Variants in FOXP2 observed in about 807,000 individuals in gnomAD.
FOXP2 encodes forkhead box protein P2.
In FOXP2, 12 loss-of-function variants were observed where a neutral mutation model predicts 115.8. The observed-to-expected ratio is 0.10, with a 90% CI of 0.07 to 0.17. The LOEUF (loss-of-function observed/expected upper bound fraction) is 0.17. Among genes scored for constraint, FOXP2 ranks in the 10% least tolerant of loss-of-function variants. The pLI is 1.00. For missense variants in FOXP2, 629 were observed against 843.5 expected, an observed-to-expected ratio of 0.75 and a Z score of 3.15; for synonymous variants, 328 against 297.7, an observed-to-expected ratio of 1.10 and a Z score of -1.05.
intron 3 of FOXP2, among the ~76,000 whole-genome samples, chr7:114,590,995 T>C (rs1224850557): frequency 1.3e-5 from 2 of 152,148 alleles, no homozygotes; most frequent in African/African-American, 4.8e-5. Context: ...TCCAAAATTG[T>C]TTACAATTAA....
intron 2 of FOXP2, among the ~76,000 whole-genome samples, chr7:114,393,869 C>A (rs962302637): frequency 4.6e-5 from 7 of 151,872 alleles, no homozygotes; most frequent in African/African-American, 1.7e-4. Flanking sequence ...TTGAATGAAC[C>A]TTAGTGTGTT....
chr7:114,341,511 C>A (rs1791217126), intron 2 of FOXP2, among the ~76,000 whole-genome samples: 1 of 151,296 alleles, frequency 6.6e-6, no homozygotes, highest in South Asian at 2.1e-4. Flanking sequence ...ACAGCATGCC[C>A]AGGAGGATGA....
chr7:114,374,527 G>A (rs1204013835), intron 2 of FOXP2, among the ~76,000 whole-genome samples: 1 of 152,136 alleles, frequency 6.6e-6, no homozygotes, highest in Non-Finnish European at 1.5e-5. Context: ...GATAAGGTTT[G>A]TGCTTTGAGG....
upstream of FOXP2, among the ~76,000 whole-genome samples, chr7:114,160,330 G>C (rs1048179394): frequency 6.6e-6 from 1 of 152,006 alleles, no homozygotes; most frequent in African/African-American, 2.4e-5. Context: ...CCTTCATTTT[G>C]GGATATTGTT....
intron 2 of FOXP2, among the ~76,000 whole-genome samples, chr7:114,522,161 G>A (rs1419655392): frequency 6.6e-6 from 1 of 152,086 alleles, no homozygotes; most frequent in Non-Finnish European, 1.5e-5. Context: ...GGTTAGGTGA[G>A]GTAGGTTCTT....
At chr7:114,519,929 CA>C (rs1798530924) in intron 2 of FOXP2, among the ~76,000 whole-genome samples, 2 of 151,962 alleles carry the variant, frequency 1.3e-5, no homozygotes, top group Admixed American at 1.3e-4. Flanking sequence ...GATAACAAAC[CA>C]AAATGATTAA....
chr7:114,416,566 A>G (rs111231764), intron 1 of FOXP2: 1 of 150,764 alleles, frequency 6.6e-6, no homozygotes, highest in Admixed American at 6.6e-5. Context: ...TAGATCTTGA[A>G]TCACTTTCAC....
intron 3 of FOXP2, among the ~76,000 whole-genome samples, chr7:114,571,627 G>A (rs1415247157): frequency 2.0e-5 from 3 of 151,700 alleles, no homozygotes; most frequent in Admixed American, 6.6e-5. Context: ...CATCTGTACC[G>A]AAAATTTTCA....
At chr7:114,554,361 GC>G (rs1800356414) in intron 3 of FOXP2, among the ~76,000 whole-genome samples, 1 of 152,134 alleles carries the variant, frequency 6.6e-6, no homozygotes, top group South Asian at 2.1e-4. Context: ...TTACCATTGT[GC>G]TTTTAAAGAG....
intron 1 of FOXP2, among the ~76,000 whole-genome samples, chr7:114,416,833 C>T (rs763137401): frequency 6.6e-6 from 1 of 151,570 alleles, no homozygotes; most frequent in Non-Finnish European, 1.5e-5. Flanking sequence ...ACAGAGATTA[C>T]GGTATTGAAG....
At chr7:114,126,880 T>A (rs1791724083) in intron 1 of FOXP2, among the ~76,000 whole-genome samples, 2 of 152,214 alleles carry the variant, frequency 1.3e-5, no homozygotes, top group Non-Finnish European at 2.9e-5. Flanking sequence ...TCTTTTCTTT[T>A]GGCTGATGCA....
chr7:114,567,522 T>A (rs1801084987), intron 3 of FOXP2, among the ~76,000 whole-genome samples: 1 of 152,260 alleles, frequency 6.6e-6, no homozygotes, highest in African/African-American at 2.4e-5. Flanking sequence ...GAAGAATAGA[T>A]TCCTTCTGAA....
intron 6 of FOXP2, among the ~76,000 whole-genome samples, chr7:114,633,925 AATAGCCATAT>A (rs776423077): frequency 3.9e-5 from 6 of 152,258 alleles, no homozygotes; most frequent in Admixed American, 3.3e-4. Context: ...AGCCTTGAAA[AATAGCCATAT>A]AAAAACCAAG....
At chr7:114,530,505 C>T (rs796895512) in intron 2 of FOXP2, among the ~76,000 whole-genome samples, 15 of 151,588 alleles carry the variant, frequency 9.9e-5, no homozygotes, top group African/African-American at 3.6e-4. Flanking sequence ...CTGTTTTTTC[C>T]CCTAATATAC....
intron 1 of FOXP2, among the ~76,000 whole-genome samples, chr7:114,112,869 G>A (rs1272019438): frequency 1.3e-5 from 2 of 152,046 alleles, no homozygotes; most frequent in Non-Finnish European, 2.9e-5. Flanking sequence ...CCCTTAAGTG[G>A]CCTGGGAGAA....
At chr7:114,257,821 A>G (rs551623329) in intron 1 of FOXP2, among the ~76,000 whole-genome samples, 1 of 152,266 alleles carries the variant, frequency 6.6e-6, no homozygotes, top group South Asian at 2.1e-4. Flanking sequence ...TTTGGGGGAA[A>G]AATGTTCCAG....
intron 1 of FOXP2, among the ~76,000 whole-genome samples, chr7:114,098,862 G>C (rs977269657): frequency 6.6e-6 from 1 of 152,318 alleles, no homozygotes; most frequent in East Asian, 1.9e-4. Flanking sequence ...ACTAGGCCAG[G>C]CACAGTGGCT....
intron 1 of FOXP2, among the ~76,000 whole-genome samples, chr7:114,203,991 A>C (rs562595052): frequency 6.6e-6 from 1 of 152,192 alleles, no homozygotes; most frequent in Non-Finnish European, 1.5e-5. Flanking sequence ...TTTTTAAAAA[A>C]ATCCACTTCC....
intron 1 of FOXP2, among the ~76,000 whole-genome samples, chr7:114,095,909 G>C (rs943415646): frequency 6.6e-6 from 1 of 152,182 alleles, no homozygotes; most frequent in African/African-American, 2.4e-5. Flanking sequence ...TATCTTTGCT[G>C]TAGTTTGGCT....
Sources: gnomAD v4.1 joint callset for allele counts (sites outside exome capture counted in the v4.1 genomes callset) on GRCh38, gnomAD v4.1.1 for gene constraint, MANE v1.5 for transcripts, NCBI Gene and HGNC (gene_info 2026-07-23, HGNC 2026-07-21) for gene names.